Variants in RNF214 observed in about 807,000 individuals in gnomAD.
RNF214 encodes the protein ring finger protein 214.
Under a neutral mutation model 75.9 loss-of-function variants are expected in RNF214, and 25 were observed. That is an observed-to-expected ratio of 0.33 (90% CI 0.24 to 0.46). RNF214 has a LOEUF of 0.46. Ranked by LOEUF, RNF214 falls within the 20% of genes least tolerant of loss-of-function variation. The pLI is 1.00. For synonymous variants in RNF214, 314 were observed against 308.8 expected (o/e 1.02, Z -0.18); for missense variants, 725 against 857.5 (o/e 0.85, Z 1.93).
At position 117,281,424 on chromosome 11, in the gene RNF214, A is replaced by G; in HGVS notation, c.1236+20A>G. On this transcript the variant is annotated intron_variant, in intron 9 of 14. Coordinates refer to ENST00000300650, the MANE Select transcript of RNF214 (RefSeq NM_207343.4). ...GTTCGTGTAAGTGTATCTATGAGTC[A>G]TCATTCAGTCAGTGTTAGTCTGTGC... 1 of 1,576,480 alleles carries G rather than the reference A, an allele frequency of 6.3e-7. No homozygotes were observed. Among genetic ancestry groups the G allele is most frequent in the African/African-American group, 1.3e-5 (1 of 74,260 alleles).
At chr11:117,254,266 A>G (rs2033469051) in intron 6 of RNF214, among the ~76,000 whole-genome samples, 1 of 152,032 alleles carries the variant, frequency 6.6e-6, no homozygotes, top group Non-Finnish European at 1.5e-5. Flanking sequence ...AAAAAAAACA[A>G]AGTGCATGCT....
intron 6 of RNF214, among the ~76,000 whole-genome samples, chr11:117,251,138 C>T (rs926061113): frequency 2.6e-5 from 4 of 151,230 alleles, no homozygotes; most frequent in Non-Finnish European, 5.9e-5. Flanking sequence ...GGTACACCTC[C>T]CAGACGGGGT....
chr11:117,256,200 A>G (rs552308198), intron 6 of RNF214, among the ~76,000 whole-genome samples: 54 of 152,316 alleles, frequency 3.5e-4, no homozygotes, highest in Middle Eastern at 6.8e-3. Flanking sequence ...CATGTTGTGT[A>G]TACTGCTATC....
chr11:117,259,061 A>G (rs2033597190), intron 6 of RNF214, among the ~76,000 whole-genome samples: 1 of 151,998 alleles, frequency 6.6e-6, no homozygotes, highest in Non-Finnish European at 1.5e-5. Context: ...GGTTTGAGCA[A>G]TTTTTCCACC....
At chr11:117,236,983 G>A (rs1375494399) in intron 2 of RNF214, among the ~76,000 whole-genome samples, 2 of 152,272 alleles carry the variant, frequency 1.3e-5, no homozygotes, top group Non-Finnish European at 2.9e-5. Context: ...AATGGTGGGC[G>A]GAGTCAGGAT....
chr11:117,234,146 C>T, intron 1 of RNF214, 121 bp from the exon 2 acceptor site: 1 of 715,910 alleles, frequency 1.4e-6, no homozygotes, highest in Middle Eastern at 3.5e-4. Flanking sequence ...TCTCCCGGAG[C>T]CCAGGTTTTT....
intron 4 of RNF214, among the ~76,000 whole-genome samples, chr11:117,240,770 G>A (rs1003708413): frequency 4.1e-5 from 6 of 148,038 alleles, no homozygotes; most frequent in East Asian, 2.1e-4. Context: ...GGCCGGGCGC[G>A]GTGACTCACG....
chr11:117,267,036 C>G (rs913169455), intron 6 of RNF214, among the ~76,000 whole-genome samples: 1 of 150,702 alleles, frequency 6.6e-6, no homozygotes, highest in Non-Finnish European at 1.5e-5. Flanking sequence ...AAACCCAGCA[C>G]TCGCTGTGGT....
rs563091153 is a variant in RNF214, at chr11:117,272,609, A to T, written c.960-7299A>T. On this transcript the variant is annotated intron_variant, in intron 6 of 14. Coordinates refer to ENST00000300650, the MANE Select transcript of RNF214 (RefSeq NM_207343.4). ...TTCCGGAACTTAAAGTAAAATTAAAATTTTTTTTTTTTTTTTAAAAAGAAA... is the reference window on the plus strand; with the variant it reads ...TTCCGGAACTTAAAGTAAAATTAAATTTTTTTTTTTTTTTTTAAAAAGAAA... Among the ~76,000 whole-genome samples, 444 of 147,284 alleles carry T rather than the reference A, an allele frequency of 3.0e-3. 1 individual carries two copies. The highest frequency in any genetic ancestry group is 9.2e-3 in the African/African-American group (373 of 40,400).
chr11:117,239,512 AG>A, intron 3 of RNF214: 1 of 472,438 alleles, frequency 2.1e-6, no homozygotes, highest in East Asian at 4.0e-5. Flanking sequence ...TTGTTGTAGG[AG>A]AAAGTATGGG....
chr11:117,265,232 T>C (rs2033769971), intron 6 of RNF214, among the ~76,000 whole-genome samples: 1 of 152,194 alleles, frequency 6.6e-6, no homozygotes, highest in Admixed American at 6.6e-5. Context: ...TAGAATTCCA[T>C]TTTAATTTGG....
At chr11:117,256,623 A>G (rs2033528299) in intron 6 of RNF214, among the ~76,000 whole-genome samples, 1 of 152,210 alleles carries the variant, frequency 6.6e-6, no homozygotes, top group African/African-American at 2.4e-5. Context: ...CAGATGAGCC[A>G]GATTTCTTAC....
chr11:117,253,515 G>A (rs1281499300), intron 6 of RNF214, among the ~76,000 whole-genome samples: 3 of 152,162 alleles, frequency 2.0e-5, no homozygotes, highest in African/African-American at 4.8e-5. Context: ...CTCTTCCAGT[G>A]CAGAACCTCT....
At position 117,262,707 on chromosome 11, in the gene RNF214, T is replaced by TTGTGTGTGTGTGTGTG. The variant is rs57686552; in HGVS notation, c.959+15771_959+15786dup. Among the ~76,000 whole-genome samples, 341 of 147,760 alleles carry TTGTGTGTGTGTGTGTG rather than the reference T, an allele frequency of 2.3e-3. 1 individual carries two copies. Among genetic ancestry groups the TTGTGTGTGTGTGTGTG allele is most frequent in the African/African-American group, 7.0e-3 (280 of 40,084 alleles). On this transcript the variant is annotated intron_variant, in intron 6 of 14. Coordinates refer to ENST00000300650, the MANE Select transcript of RNF214 (RefSeq NM_207343.4). ...CTTTGTCTGTGTTTATTGAGGAACG[T>TTGTGTGTGTGTGTGTG]TGTGTGTGTGTGTGTGTGTGTGTGT... is the stretch of plus-strand genomic sequence containing the variant.
chr11:117,233,390 C>T (rs2032788562), intron 1 of RNF214, among the ~76,000 whole-genome samples: 1 of 152,178 alleles, frequency 6.6e-6, no homozygotes, highest in Non-Finnish European at 1.5e-5. Flanking sequence ...ACAGCCCCAT[C>T]TACCTATCTG....
intron 5 of RNF214, among the ~76,000 whole-genome samples, chr11:117,245,930 A>G (rs1003445623): frequency 6.6e-6 from 1 of 152,170 alleles, no homozygotes; most frequent in Non-Finnish European, 1.5e-5. Flanking sequence ...TGGAAGTGGT[A>G]TGAAGTGGGG....
At chr11:117,245,969 T>C (rs1040333521) in intron 5 of RNF214, among the ~76,000 whole-genome samples, 6 of 152,086 alleles carry the variant, frequency 3.9e-5, no homozygotes, top group African/African-American at 1.4e-4. Flanking sequence ...TTTGTATTAT[T>C]TTACTTTTTT....
chr11:117,283,112 C>T lies in RNF214; in HGVS notation c.1951-3C>T, dbSNP rs759221164. On this transcript the variant is annotated splice_region_variant and splice_polypyrimidine_tract_variant and intron_variant, in intron 13 of 14. Coordinates refer to ENST00000300650, the MANE Select transcript of RNF214 (RefSeq NM_207343.4). ...TTTTGATCATGCCGCCTCTGTTCTA[C>T]AGGCTCCAGCCACCTGTAAGCTATG... The T allele has an allele frequency of 6.2e-7, 1 of 1,612,132 alleles. No individual in the cohort carries two copies. The highest frequency in any genetic ancestry group is 2.2e-5 in the East Asian group (1 of 44,876).
rs200340172 is a variant in RNF214, at chr11:117,285,117, A to C, written c.2078A>C (p.Asn693Thr). The C allele has an allele frequency of 9.9e-6, 16 of 1,612,796 alleles. No homozygotes were observed. The highest frequency in any genetic ancestry group is 3.3e-5 in the Admixed American group (2 of 59,984). ...AAATTCTGGGCCCAGACCAACACAA[A>C]TGACACTTGTCCCTTTTGTCCAACT... ...CIKFWAQTNTNDTCPFCPTLK is the reference protein window; with the variant it reads ...CIKFWAQTNTTDTCPFCPTLK The change falls in exon 15 of 15, where the codon AAT (asparagine) becomes ACT (threonine). Residue 693 changes from asparagine to threonine, a missense_variant. Asn to Thr is a moderately conservative substitution (Grantham distance 65, BLOSUM62 0). Around this residue, in one of 2 missense-constraint regions of RNF214, gnomAD observed 363 missense variants for 513.0 expected, o/e 0.71. Coordinates refer to ENST00000300650, the MANE Select transcript of RNF214 (RefSeq NM_207343.4).
Sources: allele counts gnomAD v4.1 joint callset (sites outside exome capture counted in the v4.1 genomes callset), GRCh38; gene constraint gnomAD v4.1.1; regional missense constraint gnomAD v4.1.1; transcripts MANE v1.5; gene names NCBI Gene and HGNC (gene_info 2026-07-23, HGNC 2026-07-21).